TMCC1: variants seen among roughly 807,000 people sequenced by gnomAD.
TMCC1 encodes the protein transmembrane and coiled-coil domains protein 1.
Under a neutral mutation model 52.4 loss-of-function variants are expected in TMCC1, and 15 were observed. The observed-to-expected ratio is 0.29, with a 90% confidence interval of 0.19 to 0.44. The LOEUF is 0.44. Among genes scored for constraint, TMCC1 ranks in the 20% least tolerant of loss-of-function variants. TMCC1 has a pLI of 1.00. For synonymous variants in TMCC1, 279 were observed against 301.9 expected, an observed-to-expected ratio of 0.92 and a Z score of 0.79; for missense variants, 503 against 806.0, an observed-to-expected ratio of 0.62 and a Z score of 4.55.
intron 4 of TMCC1, among the ~76,000 whole-genome samples, chr3:129,692,248 C>T (rs116143658): frequency 9.7e-4 from 147 of 152,152 alleles, no homozygotes; most frequent in African/African-American, 3.2e-3. Flanking sequence ...ATTTTAAAAA[C>T]GAAAGTTTGT....
chr3:129,806,652 A>C (rs1341201727), intron 4 of TMCC1, among the ~76,000 whole-genome samples: 1 of 152,196 alleles, frequency 6.6e-6, no homozygotes. Flanking sequence ...AAACTAAAAC[A>C]CTTAGTGGAG....
In TMCC1 at chr3:129,648,754, T is replaced by C. The variant is rs979233927; in HGVS notation, c.*2727A>G. 2 of 151,824 alleles carry C rather than the reference T, an allele frequency of 1.3e-5. No individual in the cohort carries two copies. The highest frequency in any genetic ancestry group is 2.4e-5 in the African/African-American group (1 of 41,316). The allele number at this position is 151,824 out of a possible 1,614,324, so 9.4% of individuals were successfully genotyped here. A position where few individuals can be genotyped will look rare whatever the true frequency, so the allele number is the denominator to read the frequency against. On this transcript the variant is annotated 3_prime_UTR_variant, in exon 7 of 7. Transcript: ENST00000393238. The stretch of plus-strand genomic sequence containing the variant: ...CCACCCAGAACAACTGTTAAGCCAT[T>C]AGAGCGAGGTTATAGAAGAGCTCTG...
chr3:129,728,929 T>G (rs2050326698), intron 4 of TMCC1, among the ~76,000 whole-genome samples: 1 of 152,210 alleles, frequency 6.6e-6, no homozygotes, highest in African/African-American at 2.4e-5. Context: ...GAGTAGTAGT[T>G]CATTGTATGT....
At chr3:129,843,082 C>T (rs1468197654) in intron 2 of TMCC1, among the ~76,000 whole-genome samples, 1 of 152,162 alleles carries the variant, frequency 6.6e-6, no homozygotes, top group African/African-American at 2.4e-5. Flanking sequence ...TGTGGTGGCT[C>T]ACGCCTATAA....
intron 4 of TMCC1, among the ~76,000 whole-genome samples, chr3:129,777,790 G>A (rs574128575): frequency 6.6e-6 from 1 of 152,180 alleles, no homozygotes; most frequent in Non-Finnish European, 1.5e-5. Flanking sequence ...AGCAATCTGT[G>A]CAGAATAAAC....
intron 1 of TMCC1, among the ~76,000 whole-genome samples, chr3:129,889,951 C>T (rs201639001): frequency 6.7e-6 from 1 of 148,862 alleles, no homozygotes; most frequent in South Asian, 2.1e-4. Context: ...AAACTAAGCT[C>T]ACAACAACCA....
chr3:129,760,454 C>CTGTGTGTGTG (rs61394124), intron 4 of TMCC1, among the ~76,000 whole-genome samples: 4,760 of 128,974 alleles, frequency 0.037, 276 homozygotes, highest in Middle Eastern at 0.051. Flanking sequence ...CAGTCTCGCT[C>CTGTGTGTGTG]TGTGTGTGTG....
intron 1 of TMCC1, among the ~76,000 whole-genome samples, chr3:129,883,297 G>C (rs1050410548): frequency 8.0e-5 from 12 of 150,908 alleles, no homozygotes; most frequent in Non-Finnish European, 1.6e-4. Flanking sequence ...GGGTGACAGA[G>C]CGAGACAATC....
chr3:129,747,869 C>T (rs936225026), intron 4 of TMCC1, among the ~76,000 whole-genome samples: 4 of 152,170 alleles, frequency 2.6e-5, no homozygotes, highest in African/African-American at 9.7e-5. Context: ...CACCCATGTC[C>T]TGCAGTAGCA....
At chr3:129,728,345 G>A (rs1416090589) in intron 4 of TMCC1, among the ~76,000 whole-genome samples, 1 of 152,136 alleles carries the variant, frequency 6.6e-6, no homozygotes. Flanking sequence ...GAGTGCAATG[G>A]TGCGATCTTG....
At chr3:129,738,544 C>T (rs1209767751) in intron 4 of TMCC1, among the ~76,000 whole-genome samples, 1 of 152,122 alleles carries the variant, frequency 6.6e-6, no homozygotes, top group Non-Finnish European at 1.5e-5. Context: ...ATAACAACTA[C>T]TGTTTCAATA....
At chr3:129,812,569 G>C (rs189524559) in intron 4 of TMCC1, among the ~76,000 whole-genome samples, 4 of 151,862 alleles carry the variant, frequency 2.6e-5, no homozygotes, top group Admixed American at 2.6e-4. Context: ...TATCTTCACT[G>C]GCTGGATTTC....
In TMCC1 at chr3:129,720,853, C is replaced by G. The variant is rs2049520952; in HGVS notation, c.577-49589G>C. ...GGGACTACAGGCACACACCACCATG[C>G]CTGGCTAATTTTTATTTTTTTTAAA... On this transcript the variant is annotated intron_variant, in intron 4 of 6. Transcript: ENST00000393238. Among the ~76,000 whole-genome samples the G allele has an allele frequency of 4.6e-5, 7 of 152,142 alleles. No homozygotes were observed. In the South Asian group the frequency reaches 1.5e-3, roughly 32 times the overall value.
chr3:129,865,740 A>T (rs2060594051), intron 2 of TMCC1, among the ~76,000 whole-genome samples: 1 of 152,200 alleles, frequency 6.6e-6, no homozygotes, highest in Non-Finnish European at 1.5e-5. Flanking sequence ...AAAAGAAAGA[A>T]ATTAAAGAAA....
At chr3:129,732,761 A>T (rs2050641413) in intron 4 of TMCC1, among the ~76,000 whole-genome samples, 1 of 152,174 alleles carries the variant, frequency 6.6e-6, no homozygotes, top group Non-Finnish European at 1.5e-5. Flanking sequence ...CTAAAATCAG[A>T]GTTTTAAGCT....
intron 2 of TMCC1, among the ~76,000 whole-genome samples, chr3:129,850,675 TAG>T (rs1491329201): frequency 2.0e-5 from 3 of 151,642 alleles, no homozygotes; most frequent in Non-Finnish European, 4.4e-5. Flanking sequence ...CACACAGAAA[TAG>T]AGAGGTGTGA....
intron 4 of TMCC1, among the ~76,000 whole-genome samples, chr3:129,790,234 A>G (rs1465112610): frequency 1.3e-5 from 2 of 152,232 alleles, no homozygotes; most frequent in Non-Finnish European, 2.9e-5. Context: ...AAACTGAGCT[A>G]ACTATTCAAA....
intron 2 of TMCC1, chr3:129,847,592 T>C (rs573471470): frequency 7.4e-4 from 112 of 152,364 alleles, no homozygotes; most frequent in African/African-American, 2.6e-3. Flanking sequence ...ATGGGAGCTG[T>C]TTACAGTTTT....
chr3:129,880,772 GATAAGT>G (rs1420184233), intron 1 of TMCC1, among the ~76,000 whole-genome samples: 1 of 151,682 alleles, frequency 6.6e-6, no homozygotes, highest in East Asian at 1.9e-4. Flanking sequence ...ATGCTCAACT[GATAAGT>G]ATAATACAAA....
Sources: allele counts gnomAD v4.1 joint callset (sites outside exome capture counted in the v4.1 genomes callset), GRCh38; gene constraint gnomAD v4.1.1; transcripts MANE v1.5; gene names NCBI Gene and HGNC (gene_info 2026-07-23, HGNC 2026-07-21).